AJAP1: variants seen among roughly 807,000 people sequenced by gnomAD.
The protein encoded by AJAP1 is adherens junctions associated protein 1.
Under a neutral mutation model 35.0 loss-of-function variants are expected in AJAP1, and 5 were observed. That is an observed-to-expected ratio of 0.14 (90% CI 0.07 to 0.30). The LOEUF is 0.30. Ranked by LOEUF, AJAP1 falls within the 10% of genes least tolerant of loss-of-function variation. The pLI, the probability that AJAP1 is intolerant of heterozygous loss-of-function variation, is 1.00. For missense variants in AJAP1, 586 were observed against 571.0 expected (o/e 1.03, Z -0.27); for synonymous variants, 284 against 249.3 (o/e 1.14, Z -1.31).
At chr1:4,669,442 G>C (rs1639204148) in intron 1 of AJAP1, among the ~76,000 whole-genome samples, 1 of 152,186 alleles carries the variant, frequency 6.6e-6, no homozygotes, top group African/African-American at 2.4e-5. Flanking sequence ...GGAGAAGCAG[G>C]CACCTTCACA....
intron 2 of AJAP1, among the ~76,000 whole-genome samples, chr1:4,761,543 T>G (rs1641566364): frequency 6.6e-6 from 1 of 152,248 alleles, no homozygotes; most frequent in Non-Finnish European, 1.5e-5. Context: ...CGGCCATTTC[T>G]GTGCAGAGAA....
intron 2 of AJAP1, among the ~76,000 whole-genome samples, chr1:4,754,987 C>T (rs1162700359): frequency 1.3e-5 from 2 of 152,106 alleles, no homozygotes; most frequent in South Asian, 2.1e-4. Context: ...GGCAGGAACC[C>T]CCAGCTGGCC....
chr1:4,687,502 A>T (rs574129310), intron 1 of AJAP1, among the ~76,000 whole-genome samples: 1 of 152,314 alleles, frequency 6.6e-6, no homozygotes, highest in African/African-American at 2.4e-5. Flanking sequence ...CCTGCGGTCC[A>T]TGGGGAGGGC....
intron 1 of AJAP1, among the ~76,000 whole-genome samples, chr1:4,703,876 GGCTCCCCACTGCCTCCCCGA>G (rs1413417151): frequency 6.6e-6 from 1 of 152,188 alleles, no homozygotes; most frequent in African/African-American, 2.4e-5. Context: ...TCTCCAAGAA[GGCTCCCCACTGCCTCCCCGA>G]GCTCCCTGGG....
chr1:4,672,795 C>G (rs1639277560), intron 1 of AJAP1, among the ~76,000 whole-genome samples: 1 of 152,132 alleles, frequency 6.6e-6, no homozygotes, highest in South Asian at 2.1e-4. Flanking sequence ...GGGGACTTGG[C>G]AGAGGTAGGG....
At chr1:4,764,961 C>G (rs547661731) in intron 2 of AJAP1, among the ~76,000 whole-genome samples, 1 of 152,314 alleles carries the variant, frequency 6.6e-6, no homozygotes, top group African/African-American at 2.4e-5. Flanking sequence ...CAAACCACCA[C>G]AAATATAACC....
rs991298874 is a variant in AJAP1 at position 4,693,562 on chromosome 1, C to T, written c.30-18338C>T. On this transcript the variant is annotated intron_variant, in intron 1 of 5. Coordinates refer to ENST00000378191, the MANE Select transcript of AJAP1 (RefSeq NM_018836.4). The surrounding 1 kb of genome is among the most constrained non-coding windows in gnomAD (Gnocchi z 4.4). ...GTTTTGGGCATCAGGGGACTGGGAG[C>T]GGGAGGGGAGGAAGAGTTGCCAGCT... 2.0e-5 allele frequency among the ~76,000 whole-genome samples: 3 copies of T among 152,128 alleles called. No homozygotes were observed. Among genetic ancestry groups the T allele is most frequent in the African/African-American group, 4.8e-5 (2 of 41,422 alleles).
chr1:4,733,229 C>G (rs1377168909), intron 2 of AJAP1, among the ~76,000 whole-genome samples: 3 of 151,732 alleles, frequency 2.0e-5, no homozygotes, highest in Admixed American at 2.0e-4. Context: ...TTTTAAAATG[C>G]AATGCCGCCT....
chr1:4,719,555 C>T (rs1208376306), intron 2 of AJAP1, among the ~76,000 whole-genome samples: 1 of 151,974 alleles, frequency 6.6e-6, no homozygotes, highest in Non-Finnish European at 1.5e-5. Context: ...ATCTCGGGGG[C>T]GTGTGGTGGG....
rs1340336151 is a variant in AJAP1 at position 4,787,335 on chromosome 1, G to A, written c.*4850G>A. On this transcript the variant is annotated 3_prime_UTR_variant, in exon 6 of 6. Transcript: ENST00000378191. ...GGGGCTGGGGGCAGAGAAGGAGAGA[G>A]GGGAAGAGGGAGAGAGTGGGGGGCA... 1 of 227,616 alleles carries A rather than the reference G, an allele frequency of 4.4e-6. No homozygotes were observed. The highest frequency in any genetic ancestry group is 8.9e-6 in the Non-Finnish European group (1 of 112,544). The allele number at this position is 227,616 out of a possible 1,614,324, so 14.1% of individuals were successfully genotyped here. A position where few individuals can be genotyped will look rare whatever the true frequency, so the allele number is the denominator to read the frequency against.
chr1:4,700,745 GC>G (rs1639969617), intron 1 of AJAP1, among the ~76,000 whole-genome samples: 1 of 152,170 alleles, frequency 6.6e-6, no homozygotes, highest in South Asian at 2.1e-4. Context: ...ACTTGGCTAG[GC>G]TGCCCAGCAG....
intron 2 of AJAP1, among the ~76,000 whole-genome samples, chr1:4,763,719 C>T (rs754095909): frequency 6.6e-6 from 1 of 151,314 alleles, no homozygotes; most frequent in Non-Finnish European, 1.5e-5. Flanking sequence ...CTCTCCCTCC[C>T]TCCTCTCCCT....
At chr1:4,681,268 C>T (rs916929980) in intron 1 of AJAP1, among the ~76,000 whole-genome samples, 6 of 152,218 alleles carry the variant, frequency 3.9e-5, no homozygotes, top group Admixed American at 1.3e-4. Flanking sequence ...TTCAGCAGCA[C>T]GGACAGTGTG....
At chr1:4,702,126 G>A (rs187713454) in intron 1 of AJAP1, among the ~76,000 whole-genome samples, 64 of 151,858 alleles carry the variant, frequency 4.2e-4, no homozygotes, top group African/African-American at 1.5e-3. Flanking sequence ...GTATTCCAAC[G>A]TGTCCCCAGT....
intron 1 of AJAP1, among the ~76,000 whole-genome samples, chr1:4,659,988 A>G (rs1638966417): frequency 2.0e-5 from 3 of 152,246 alleles, no homozygotes; most frequent in Admixed American, 2.0e-4. Flanking sequence ...AAAAGTAGGT[A>G]TAAATACAAC....
chr1:4,760,167 G>A (rs949702726), intron 2 of AJAP1, among the ~76,000 whole-genome samples: 5 of 152,128 alleles, frequency 3.3e-5, no homozygotes, highest in East Asian at 3.9e-4. Flanking sequence ...AATTCAGGCC[G>A]TGTGTGAGTC....
chr1:4,698,151 C>T (rs1639908623), intron 1 of AJAP1, among the ~76,000 whole-genome samples: 1 of 152,196 alleles, frequency 6.6e-6, no homozygotes, highest in Non-Finnish European at 1.5e-5. Context: ...CGGATGATCT[C>T]ACCTCTGGCC....
At chr1:4,735,756 G>A (rs435239) in intron 2 of AJAP1, among the ~76,000 whole-genome samples, 1 of 152,076 alleles carries the variant, frequency 6.6e-6, no homozygotes, top group East Asian at 1.9e-4. Flanking sequence ...TAAGCCCCTC[G>A]ACAAGCTGCC....
chr1:4,657,943 G>A (rs1027521129), intron 1 of AJAP1, among the ~76,000 whole-genome samples: 5 of 152,146 alleles, frequency 3.3e-5, no homozygotes, highest in African/African-American at 1.2e-4. Flanking sequence ...TCAGCTGAGA[G>A]AGAGGGAGCC....
Sources: gnomAD v4.1 joint callset for allele counts (sites outside exome capture counted in the v4.1 genomes callset) on GRCh38, gnomAD v4.1.1 for gene constraint, Gnocchi (gnomAD v3.1) non-coding constraint, MANE v1.5 for transcripts, NCBI Gene and HGNC (gene_info 2026-07-23, HGNC 2026-07-21) for gene names.